The following MIPOL1 variants were observed in gnomAD, a reference collection of about 807,000 sequenced individuals.
The protein encoded by MIPOL1 is mirror-image polydactyly gene 1 protein.
MIPOL1 carries 57 observed loss-of-function variants against 60.9 expected under a neutral mutation model. The observed-to-expected ratio is 0.94, with a 90% CI of 0.76 to 1.17. MIPOL1 has a LOEUF of 1.17. Ranked by LOEUF, MIPOL1 falls within the 50% of genes most tolerant of loss-of-function variation. MIPOL1 has a pLI of 0.00. For missense variants in MIPOL1, 551 were observed against 511.6 expected (o/e 1.08, Z -0.74); for synonymous variants, 179 against 168.8 (o/e 1.06, Z -0.47).
At chr14:37,357,127 A>G (rs2091901602) in intron 9 of MIPOL1, among the ~76,000 whole-genome samples, 3 of 152,196 alleles carry the variant, frequency 2.0e-5, no homozygotes, top group Admixed American at 2.0e-4. Flanking sequence ...TATACCCAGT[A>G]GTGGGATTGC....
intron 1 of MIPOL1, among the ~76,000 whole-genome samples, chr14:37,244,155 C>G (rs1189081039): frequency 9.6e-6 from 1 of 103,888 alleles, no homozygotes; most frequent in Non-Finnish European, 1.8e-5. Context: ...GGGTCTCACT[C>G]TGTCACCAGG....
chr14:37,447,868 G>C (rs1450611821), intron 11 of MIPOL1, among the ~76,000 whole-genome samples: 1 of 151,972 alleles, frequency 6.6e-6, no homozygotes, highest in Non-Finnish European at 1.5e-5. Flanking sequence ...GAGAATATTG[G>C]TACCTATCTT....
At chr14:37,502,465 T>C (rs1488210866) in intron 12 of MIPOL1, 1 of 152,438 alleles carries the variant, frequency 6.6e-6, no homozygotes, top group East Asian at 1.9e-4. Flanking sequence ...CTGCTGGTGA[T>C]ACCCAGGCAA....
chr14:37,259,531 C>T (rs1325616824), intron 3 of MIPOL1, among the ~76,000 whole-genome samples: 5 of 151,864 alleles, frequency 3.3e-5, no homozygotes, highest in African/African-American at 1.2e-4. Flanking sequence ...GGTGCCACCT[C>T]ACTCTAGTCT....
chr14:37,288,415 A>G (rs916407442), intron 7 of MIPOL1, among the ~76,000 whole-genome samples: 6 of 152,170 alleles, frequency 3.9e-5, no homozygotes, highest in African/African-American at 9.7e-5. Context: ...GTGATTGGCT[A>G]TACATTGTTA....
chr14:37,410,931 G>C (rs866892317), intron 10 of MIPOL1, among the ~76,000 whole-genome samples: 1 of 151,972 alleles, frequency 6.6e-6, no homozygotes, highest in East Asian at 1.9e-4. Flanking sequence ...AACTAGCGAG[G>C]AAAGTAGAAA....
chr14:37,438,275 T>A (rs1438375118), intron 11 of MIPOL1, among the ~76,000 whole-genome samples: 1 of 152,226 alleles, frequency 6.6e-6, no homozygotes, highest in Non-Finnish European at 1.5e-5. Flanking sequence ...TGTTTTGTGT[T>A]AAAACTGTTA....
At chr14:37,221,410 C>T (rs1312318447) in intron 1 of MIPOL1, among the ~76,000 whole-genome samples, 1 of 152,082 alleles carries the variant, frequency 6.6e-6, no homozygotes, top group Non-Finnish European at 1.5e-5. Flanking sequence ...TTTAACAGTC[C>T]CACCTGTTAA....
At position 37,309,199 on chromosome 14, in the gene MIPOL1, CT is replaced by C. The variant is rs1419325392; in HGVS notation, c.828+681del. On this transcript the variant is annotated intron_variant, in intron 9 of 12. Transcript: ENST00000684589. ...CCCAGGCTGCTCTTGAACTCTTGGC[CT>C]CAAGTGATCCTCCTCCCTCGACCTC... is the stretch of plus-strand genomic sequence containing the variant. Among the ~76,000 whole-genome samples the C allele has an allele frequency of 1.5e-4, 23 of 151,628 alleles. 1 individual carries two copies. Among genetic ancestry groups the C allele is most frequent in the Admixed American group, 2.6e-4 (4 of 15,198 alleles).
chr14:37,480,786 A>G (rs2094850928), intron 11 of MIPOL1, among the ~76,000 whole-genome samples: 1 of 152,170 alleles, frequency 6.6e-6, no homozygotes, highest in African/African-American at 2.4e-5. Context: ...TGCTGAGAAC[A>G]GGATCATAAA....
intron 1 of MIPOL1, among the ~76,000 whole-genome samples, chr14:37,211,605 C>G (rs988285205): frequency 6.6e-6 from 1 of 152,118 alleles, no homozygotes; most frequent in Non-Finnish European, 1.5e-5. Flanking sequence ...CTGCAGCACT[C>G]TATGTCTCCA....
At chr14:37,333,817 C>T (rs1364951491) in intron 9 of MIPOL1, among the ~76,000 whole-genome samples, 1 of 151,938 alleles carries the variant, frequency 6.6e-6, no homozygotes. Flanking sequence ...AATTGACAGA[C>T]GATTTGAACA....
intron 12 of MIPOL1, among the ~76,000 whole-genome samples, chr14:37,542,848 G>A (rs1358625426): frequency 6.6e-6 from 1 of 152,138 alleles, no homozygotes; most frequent in Non-Finnish European, 1.5e-5. Context: ...CATAGGAATT[G>A]CCCAACAAAT....
At chr14:37,375,500 T>G (rs961630535) in intron 10 of MIPOL1, among the ~76,000 whole-genome samples, 8 of 152,162 alleles carry the variant, frequency 5.3e-5, no homozygotes, top group Non-Finnish European at 1.2e-4. Context: ...TTTAATTTAT[T>G]AATTTACCTT....
chr14:37,410,155 C>T (rs1419132853), intron 10 of MIPOL1, among the ~76,000 whole-genome samples: 4 of 152,076 alleles, frequency 2.6e-5, no homozygotes, highest in Non-Finnish European at 4.4e-5. Context: ...ATACAGATTC[C>T]TTTCAAATGA....
At chr14:37,512,133 G>A (rs950054721) in intron 12 of MIPOL1, among the ~76,000 whole-genome samples, 2 of 149,818 alleles carry the variant, frequency 1.3e-5, no homozygotes, top group Non-Finnish European at 3.0e-5. Context: ...GAAATATAGG[G>A]CACCCTATAT....
chr14:37,544,143 G>GT (rs1256765800), intron 12 of MIPOL1, among the ~76,000 whole-genome samples: 1 of 152,122 alleles, frequency 6.6e-6, no homozygotes, highest in Non-Finnish European at 1.5e-5. Flanking sequence ...AGTCATGAGC[G>GT]TTTAAGTGTC....
chr14:37,311,069 C>T (rs2087275917), intron 9 of MIPOL1, among the ~76,000 whole-genome samples: 1 of 152,138 alleles, frequency 6.6e-6, no homozygotes, highest in South Asian at 2.1e-4. Flanking sequence ...TTTCCCCATA[C>T]CTAGAATATG....
chr14:37,467,128 T>TA (rs2094608659), intron 11 of MIPOL1, among the ~76,000 whole-genome samples: 3 of 152,328 alleles, frequency 2.0e-5, no homozygotes, highest in East Asian at 3.9e-4. Flanking sequence ...CAATGAATGT[T>TA]TTACTAAGTG....
Sources: allele counts gnomAD v4.1 joint callset (sites outside exome capture counted in the v4.1 genomes callset), GRCh38; gene constraint gnomAD v4.1.1; transcripts MANE v1.5; gene names NCBI Gene and HGNC (gene_info 2026-07-23, HGNC 2026-07-21).